MDGA2: variants seen among roughly 807,000 people sequenced by gnomAD.
MDGA2 encodes MAM domain containing glycosylphosphatidylinositol anchor 2.
In MDGA2, 40 loss-of-function variants were observed where a neutral mutation model predicts 117.8. The ratio of observed to expected loss-of-function variants is 0.34; its 90% CI spans 0.26 to 0.44. The LOEUF is 0.44. MDGA2 is among the 20% of genes least tolerant of loss of function. MDGA2 has a pLI of 1.00. For missense variants in MDGA2, 1,123 were observed against 1,250.6 expected, an observed-to-expected ratio of 0.90 and a Z score of 1.54; for synonymous variants, 452 against 439.0, an observed-to-expected ratio of 1.03 and a Z score of -0.37.
In MDGA2 at chr14:46,870,602, A is replaced by G. The variant is rs535838135; in HGVS notation, c.2752+2831T>C. ...GCATGCCTGCAGCTTGCTGAGAGGA[A>G]CTCAAGTAATAGACCTGATACCCAG... On this transcript the variant is annotated intron_variant, in intron 14 of 16. Transcript: ENST00000399232. Among the ~76,000 whole-genome samples the G allele has an allele frequency of 5.5e-4, 83 of 152,024 alleles. 2 individuals carry two copies. The South Asian group carries it at 0.017, about 30-fold the overall frequency.
rs1224283664 is a variant in MDGA2, at chr14:47,271,026, CTG to C, written c.420+30383_420+30384del. 3.0e-4 allele frequency among the ~76,000 whole-genome samples: 46 copies of C among 152,216 alleles called. No individual in the cohort carries two copies. In the East Asian group the frequency reaches 6.8e-3, roughly 22 times the overall value. ...TTCTGTCTGTTTGCCATTTTCTTTC[CTG>C]TGTAGGATTACTAACTTTAGTCTTG... On this transcript the variant is annotated intron_variant, in intron 2 of 16. Coordinates refer to ENST00000399232, the MANE Select transcript of MDGA2 (RefSeq NM_001113498.3).
intron 1 of MDGA2, among the ~76,000 whole-genome samples, chr14:47,397,704 C>T (rs1336010177): frequency 6.6e-6 from 1 of 152,048 alleles, no homozygotes; most frequent in Non-Finnish European, 1.5e-5. Context: ...TATATGAATA[C>T]ATGCAAACAT....
At chr14:47,479,292 C>T (rs962091963) in intron 1 of MDGA2, among the ~76,000 whole-genome samples, 1 of 152,136 alleles carries the variant, frequency 6.6e-6, no homozygotes, top group East Asian at 1.9e-4. Context: ...ACTTTTAATG[C>T]TATTGTCCAT....
intron 1 of MDGA2, among the ~76,000 whole-genome samples, chr14:47,375,097 A>T (rs28366604): frequency 0.72 from 109,443 of 151,452 alleles, 39,795 homozygotes; most frequent in Middle Eastern, 0.82. Context: ...TAATTTTTTT[A>T]AAATTTTTTA....
intron 10 of MDGA2, among the ~76,000 whole-genome samples, chr14:46,896,779 A>G (rs931669364): frequency 6.6e-6 from 1 of 152,154 alleles, no homozygotes; most frequent in African/African-American, 2.4e-5. Context: ...CTTTCTCTTA[A>G]TGAATATATA....
chr14:46,910,567 C>T (rs759965368), intron 10 of MDGA2, among the ~76,000 whole-genome samples: 2 of 152,124 alleles, frequency 1.3e-5, no homozygotes, highest in African/African-American at 4.8e-5. Context: ...CCCTCGAAAC[C>T]AGCACAAGGC....
chr14:47,114,885 CA>C (rs1881237495), intron 5 of MDGA2, among the ~76,000 whole-genome samples: 1 of 144,298 alleles, frequency 6.9e-6, no homozygotes, highest in African/African-American at 2.6e-5. Flanking sequence ...ACAAAAACGT[CA>C]AAAGCAATTG....
intron 9 of MDGA2, among the ~76,000 whole-genome samples, chr14:46,953,486 C>T (rs1253046995): frequency 2.0e-5 from 3 of 151,934 alleles, no homozygotes; most frequent in African/African-American, 7.2e-5. Flanking sequence ...ATATAGGGAA[C>T]ATTGATTACC....
At chr14:46,944,803 T>A (rs1287547167) in intron 9 of MDGA2, among the ~76,000 whole-genome samples, 1 of 152,038 alleles carries the variant, frequency 6.6e-6, no homozygotes, top group Admixed American at 6.6e-5. Context: ...TTAGGGTTTT[T>A]TGTATGCTAA....
chr14:47,446,798 G>A (rs1194557513), intron 1 of MDGA2, among the ~76,000 whole-genome samples: 2 of 152,024 alleles, frequency 1.3e-5, no homozygotes, highest in African/African-American at 4.8e-5. Context: ...GTAAAAGACA[G>A]GGTGGGGGAG....
At chr14:47,532,012 A>G (rs1895110922) in intron 1 of MDGA2, among the ~76,000 whole-genome samples, 1 of 152,220 alleles carries the variant, frequency 6.6e-6, no homozygotes, top group Non-Finnish European at 1.5e-5. Context: ...AGAAACCACC[A>G]CATCTAGATT....
intron 8 of MDGA2, among the ~76,000 whole-genome samples, chr14:46,991,643 A>G (rs983251976): frequency 6.6e-6 from 1 of 152,136 alleles, no homozygotes; most frequent in Admixed American, 6.6e-5. Context: ...ATAGTTAATC[A>G]GTTTTTCTCC....
In MDGA2 at chr14:47,522,372, T is replaced by TGTGTATATATATAC. The variant is rs60971088; in HGVS notation, c.280+152144_280+152145insGTATATATATACAC. On this transcript the variant is annotated intron_variant, in intron 1 of 16. Transcript: ENST00000399232. ...ATATATATGTATATATGTGTATATA[T>TGTGTATATATATAC]ACACACACACACACAATTAAATATC... Among the ~76,000 whole-genome samples, 5 of 150,236 alleles carry TGTGTATATATATAC rather than the reference T, an allele frequency of 3.3e-5. 1 individual carries two copies. Among genetic ancestry groups the TGTGTATATATATAC allele is most frequent in the East Asian group, 4.0e-4 (2 of 5,028 alleles).
intron 1 of MDGA2, among the ~76,000 whole-genome samples, chr14:47,455,295 C>G (rs1594865563): frequency 6.6e-6 from 1 of 152,100 alleles, no homozygotes; most frequent in East Asian, 2.0e-4. Flanking sequence ...CGCCTGAGGT[C>G]AGGAGTTCGA....
At chr14:47,525,609 C>T (rs902889377) in intron 1 of MDGA2, among the ~76,000 whole-genome samples, 1 of 151,958 alleles carries the variant, frequency 6.6e-6, no homozygotes, top group Admixed American at 6.6e-5. Flanking sequence ...CACTTGAACC[C>T]GGAAGGCAGA....
chr14:47,342,336 AAT>A (rs1566746891), intron 1 of MDGA2, among the ~76,000 whole-genome samples: 1 of 148,920 alleles, frequency 6.7e-6, no homozygotes, highest in Non-Finnish European at 1.5e-5. Context: ...AACATATATA[AAT>A]ATGTGTGTAT....
chr14:47,541,016 T>C (rs896854682), intron 1 of MDGA2, among the ~76,000 whole-genome samples: 1 of 152,218 alleles, frequency 6.6e-6, no homozygotes, highest in Non-Finnish European at 1.5e-5. Context: ...TGACTCATCC[T>C]ACAATCTAAG....
intron 1 of MDGA2, among the ~76,000 whole-genome samples, chr14:47,332,238 G>A (rs1477015454): frequency 1.3e-5 from 2 of 152,020 alleles, no homozygotes. Context: ...CATTTATGAA[G>A]TTTCCCTCAA....
At chr14:47,564,071 G>T (rs1566517594) in intron 1 of MDGA2, among the ~76,000 whole-genome samples, 2 of 152,142 alleles carry the variant, frequency 1.3e-5, no homozygotes, top group Admixed American at 6.5e-5. Context: ...CAAGAATGAT[G>T]AATATAGGCC....
Sources: allele counts gnomAD v4.1 joint callset (sites outside exome capture counted in the v4.1 genomes callset), GRCh38; gene constraint gnomAD v4.1.1; transcripts MANE v1.5; gene names NCBI Gene and HGNC (gene_info 2026-07-23, HGNC 2026-07-21).